The following PEX14 variants were observed in gnomAD, a reference collection of about 807,000 sequenced individuals.
PEX14 encodes peroxisomal membrane protein PEX14.
PEX14 carries 15 observed loss-of-function variants against 49.5 expected under a neutral mutation model. That is an observed-to-expected ratio of 0.30 (90% CI 0.20 to 0.47). The LOEUF (loss-of-function observed/expected upper bound fraction) is 0.47, where lower values mean the gene tolerates loss of function less well. PEX14 is among the 20% of genes least tolerant of loss of function. The probability of loss-of-function intolerance (pLI) is 1.00; values close to 1 mark genes in which losing one functional copy is unlikely to be tolerated. For synonymous variants in PEX14, 210 were observed against 212.7 expected (o/e 0.99, Z 0.11); for missense variants, 398 against 494.8 (o/e 0.80, Z 1.86).
At chr1:10,497,181 C>T (rs1036867128) in intron 2 of PEX14, among the ~76,000 whole-genome samples, 6 of 152,106 alleles carry the variant, frequency 3.9e-5, no homozygotes, top group African/African-American at 1.2e-4. Flanking sequence ...CCTGATTAAA[C>T]GGGGGCACCA....
Position 10,512,444 on chromosome 1 carries a change from G to A in PEX14, c.84+17123G>A, listed in dbSNP as rs1284509711. ...TCATCCAAAGGATGGCAGACAGATT[G>A]TGGAATTTTAATGAAGGTGGGGTGG... On this transcript the variant is annotated intron_variant, in intron 2 of 8. Transcript: ENST00000356607. This position sits in a 1 kb window ranked among gnomAD's most constrained non-coding sequence, Gnocchi z 4.6. Among the ~76,000 whole-genome samples the A allele has an allele frequency of 1.3e-5, 2 of 152,194 alleles. No homozygotes were observed. Among genetic ancestry groups the A allele is most frequent in the Non-Finnish European group, 2.9e-5 (2 of 68,032 alleles).
At chr1:10,549,296 C>G (rs1639268498) in intron 3 of PEX14, among the ~76,000 whole-genome samples, 1 of 152,098 alleles carries the variant, frequency 6.6e-6, no homozygotes, top group Admixed American at 6.5e-5. Context: ...ACCTATGAAG[C>G]TAAAGAACAA....
At chr1:10,535,273 G>C (rs752187566) in intron 2 of PEX14, among the ~76,000 whole-genome samples, 2 of 152,222 alleles carry the variant, frequency 1.3e-5, no homozygotes, top group Non-Finnish European at 2.9e-5. Context: ...CACACACTTC[G>C]CGTGTGCTGA....
intron 3 of PEX14, among the ~76,000 whole-genome samples, chr1:10,590,190 AAACCGTGAGCCTGCAAACAG>A (rs1036987872): frequency 6.6e-5 from 10 of 152,128 alleles, no homozygotes; most frequent in Non-Finnish European, 1.3e-4. Context: ...AGGTGCCACA[AAACCGTGAGCCTGCAAACAG>A]AACCGTGAGC....
chr1:10,501,969 G>T (rs766883156), intron 2 of PEX14, among the ~76,000 whole-genome samples: 2 of 150,670 alleles, frequency 1.3e-5, no homozygotes, highest in Non-Finnish European at 3.0e-5. Flanking sequence ...TGCTTAAACC[G>T]TTACTAGCAA....
At chr1:10,537,825 A>C (rs1048372882) in intron 3 of PEX14, among the ~76,000 whole-genome samples, 1 of 152,196 alleles carries the variant, frequency 6.6e-6, no homozygotes, top group African/African-American at 2.4e-5. Context: ...TTTAATTTTA[A>C]TAAATCCCTG....
chr1:10,540,750 G>T (rs1042123052), intron 3 of PEX14, among the ~76,000 whole-genome samples: 3 of 152,092 alleles, frequency 2.0e-5, no homozygotes, highest in Admixed American at 6.5e-5. Context: ...AGATAGCTTG[G>T]GGGGAGGGCA....
At chr1:10,520,640 T>TGTGG (rs917135526) in intron 2 of PEX14, among the ~76,000 whole-genome samples, 1 of 152,176 alleles carries the variant, frequency 6.6e-6, no homozygotes, top group African/African-American at 2.4e-5. Flanking sequence ...AGTTCATGTA[T>TGTGG]GTGGAGCCCA....
chr1:10,567,770 C>G (rs1425411186), intron 3 of PEX14, among the ~76,000 whole-genome samples: 1 of 152,150 alleles, frequency 6.6e-6, no homozygotes, highest in African/African-American at 2.4e-5. Flanking sequence ...GCTGACATTA[C>G]AGGTGTGAGC....
chr1:10,581,305 CTTT>C (rs71583884), intron 3 of PEX14, among the ~76,000 whole-genome samples: 7 of 126,974 alleles, frequency 5.5e-5, no homozygotes, highest in Non-Finnish European at 8.2e-5. Context: ...CTTTGTTATC[CTTT>C]TTTTTTTTTT....
At chr1:10,609,189 A>G (rs1303370677) in intron 4 of PEX14, among the ~76,000 whole-genome samples, 1 of 152,150 alleles carries the variant, frequency 6.6e-6, no homozygotes, top group African/African-American at 2.4e-5. Flanking sequence ...ATTGTCTCCA[A>G]TTTTGGTGAA....
chr1:10,537,313 G>T (rs1403094198), intron 3 of PEX14, among the ~76,000 whole-genome samples: 1 of 129,670 alleles, frequency 7.7e-6, no homozygotes, highest in Non-Finnish European at 1.5e-5. Flanking sequence ...AGCACTGCAC[G>T]GCTGCTCACT....
chr1:10,608,060 C>T (rs1025871041), intron 4 of PEX14, among the ~76,000 whole-genome samples: 15 of 152,280 alleles, frequency 9.9e-5, no homozygotes, highest in Admixed American at 2.0e-4. Context: ...CTCTACCTCA[C>T]GGGCTCAAGT....
chr1:10,624,550 C>A, intron 7 of PEX14, 113 bp downstream of exon 7: 1 of 756,770 alleles, frequency 1.3e-6, no homozygotes, highest in Non-Finnish European at 2.4e-6. Flanking sequence ...TTGCCCCAGT[C>A]TCACAGTGGT....
At chr1:10,607,219 G>A (rs954200641) in intron 4 of PEX14, among the ~76,000 whole-genome samples, 1 of 151,882 alleles carries the variant, frequency 6.6e-6, no homozygotes, top group Non-Finnish European at 1.5e-5. Flanking sequence ...GTGCGCATCC[G>A]AAGCCTTTTC....
rs1262549979 is a variant in PEX14 at position 10,559,549 on chromosome 1, G to A, written c.169+23252G>A. Among the ~76,000 whole-genome samples the A allele has an allele frequency of 3.3e-5, 5 of 152,216 alleles. No homozygotes were observed. In the South Asian group the frequency reaches 1.0e-3, roughly 31 times the overall value. On this transcript the variant is annotated intron_variant, in intron 3 of 8. Transcript: ENST00000356607. ...GTGTGAGACAAAGCCACTGCCTGGA[G>A]AGGATGGTGCGGGGGCTGGCGGTCC...
chr1:10,500,581 A>G (rs1641659337), intron 2 of PEX14, among the ~76,000 whole-genome samples: 1 of 151,314 alleles, frequency 6.6e-6, no homozygotes, highest in Non-Finnish European at 1.5e-5. Context: ...CCACCAAAAC[A>G]TTTCTTTTTT....
chr1:10,513,544 A>C (rs903880949), intron 2 of PEX14, among the ~76,000 whole-genome samples: 3 of 152,154 alleles, frequency 2.0e-5, no homozygotes, highest in African/African-American at 7.2e-5. Context: ...CCTGGGAGCC[A>C]AGTGTCCCTC....
At chr1:10,593,997 T>C (rs1640751434) in intron 3 of PEX14, among the ~76,000 whole-genome samples, 1 of 152,160 alleles carries the variant, frequency 6.6e-6, no homozygotes, top group Admixed American at 6.5e-5. Context: ...GCTAATGAAA[T>C]ACAGCACAGC....
Sources: gnomAD v4.1 joint callset for allele counts (sites outside exome capture counted in the v4.1 genomes callset) on GRCh38, gnomAD v4.1.1 for gene constraint, Gnocchi (gnomAD v3.1) non-coding constraint, MANE v1.5 for transcripts, NCBI Gene and HGNC (gene_info 2026-07-23, HGNC 2026-07-21) for gene names.